ATP6V1C2: variants seen among roughly 807,000 people sequenced by gnomAD.
ATP6V1C2 encodes ATPase H+ transporting V1 subunit C2.
In ATP6V1C2, 45 loss-of-function variants were observed where a neutral mutation model predicts 56.8. That is an observed-to-expected ratio of 0.79 (90% CI 0.62 to 1.02). The LOEUF (loss-of-function observed/expected upper bound fraction) is 1.02, where lower values mean the gene tolerates loss of function less well. Ranked by LOEUF, ATP6V1C2 falls within the 50% of genes least tolerant of loss-of-function variation. The probability of loss-of-function intolerance (pLI) is 0.00; values close to 1 mark genes in which losing one functional copy is unlikely to be tolerated. For missense variants in ATP6V1C2, 463 were observed against 519.7 expected, an observed-to-expected ratio of 0.89 and a Z score of 1.06; for synonymous variants, 220 against 201.3, an observed-to-expected ratio of 1.09 and a Z score of -0.79.
At chr2:10,747,237 A>G (rs1662967047) in intron 3 of ATP6V1C2, among the ~76,000 whole-genome samples, 1 of 152,206 alleles carries the variant, frequency 6.6e-6, no homozygotes, top group Non-Finnish European at 1.5e-5. Context: ...CATTGCACTC[A>G]AGCTTGGGCA....
At chr2:10,753,148 C>G (rs1293425843) in intron 3 of ATP6V1C2, among the ~76,000 whole-genome samples, 2 of 152,148 alleles carry the variant, frequency 1.3e-5, no homozygotes, top group Non-Finnish European at 2.9e-5. Flanking sequence ...TTTTAATGTT[C>G]TAATTGTAAA....
chr2:10,752,071 A>AC (rs1558403035), intron 3 of ATP6V1C2, among the ~76,000 whole-genome samples: 1 of 151,936 alleles, frequency 6.6e-6, no homozygotes, highest in African/African-American at 2.4e-5. Context: ...CTCAAAAAAA[A>AC]AACAACAACA....
At chr2:10,741,520 A>G (rs6757873) in intron 3 of ATP6V1C2, among the ~76,000 whole-genome samples, 149,552 of 152,226 alleles carry the variant, frequency 0.98, 73,515 homozygotes, top group Non-Finnish European at 1. Context: ...AGGCTAGGGC[A>G]GGTGGCCCCT....
chr2:10,768,885 T>TGGGCCACCTGGGAGTCTGTGCC, intron 6 of ATP6V1C2, 75 bp downstream of exon 6: 1 of 1,162,456 alleles, frequency 8.6e-7, no homozygotes, highest in Middle Eastern at 2.4e-4. Flanking sequence ...GTCCTCTCAC[T>TGGGCCACCTGGGAGTCTGTGCC]GGGCCACCTG....
chr2:10,728,674 G>A lies in ATP6V1C2; in HGVS notation c.197+2105G>A, dbSNP rs946670906. On this transcript the variant is annotated intron_variant, in intron 3 of 13. Coordinates refer to ENST00000272238, the MANE Select transcript of ATP6V1C2 (RefSeq NM_001039362.2). ...GCCTGTAGTGCCAGCTATGCAGGAG[G>A]CTGAGGTGGAAGAATCACCTGAGCC... Among the ~76,000 whole-genome samples the A allele has an allele frequency of 2.6e-5, 4 of 151,884 alleles. No individual in the cohort carries two copies. The South Asian group carries it at 8.3e-4, about 32-fold the overall frequency.
At chr2:10,730,409 C>T (rs1242994508) in intron 3 of ATP6V1C2, among the ~76,000 whole-genome samples, 1 of 152,120 alleles carries the variant, frequency 6.6e-6, no homozygotes, top group Non-Finnish European at 1.5e-5. Flanking sequence ...AGCCACTGTG[C>T]CTGGCCACTT....
intron 13 of ATP6V1C2, among the ~76,000 whole-genome samples, 189 bp downstream of exon 13, chr2:10,782,564 G>A (rs1351509501): frequency 6.6e-6 from 1 of 152,102 alleles, no homozygotes. Context: ...TGGGCATAGT[G>A]GCTCACGCCT....
chr2:10,768,978 G>C (rs1359717727), intron 6 of ATP6V1C2, among the ~76,000 whole-genome samples, 168 bp downstream of exon 6: 1 of 152,208 alleles, frequency 6.6e-6, no homozygotes, highest in Non-Finnish European at 1.5e-5. Flanking sequence ...TGCTGGGAGA[G>C]GAGGAAAGGG....
upstream of ATP6V1C2, among the ~76,000 whole-genome samples, chr2:10,721,397 A>G (rs1442610443): frequency 6.6e-6 from 1 of 151,510 alleles, no homozygotes; most frequent in Non-Finnish European, 1.5e-5. Context: ...GCGGCAGGAG[A>G]CCCCGTGGGA....
chr2:10,757,499 C>G (rs1440051776), intron 4 of ATP6V1C2: 2 of 398,420 alleles, frequency 5.0e-6, no homozygotes, highest in Non-Finnish European at 8.8e-6. Context: ...TGGCGTGATG[C>G]CCGCATGTCC....
intron 2 of ATP6V1C2, among the ~76,000 whole-genome samples, chr2:10,725,885 G>A (rs1487738919): frequency 6.6e-6 from 1 of 151,730 alleles, no homozygotes; most frequent in Non-Finnish European, 1.5e-5. Context: ...TTCGAGACCA[G>A]CCTGACCAAC....
intron 4 of ATP6V1C2, 78 bp from the exon 5 acceptor site, chr2:10,764,253 T>C: frequency 7.6e-7 from 1 of 1,311,338 alleles, no homozygotes; most frequent in South Asian, 1.2e-5. Flanking sequence ...ACGCTGATGC[T>C]TGGCTTGGGA....
At position 10,753,851 on chromosome 2, in the gene ATP6V1C2, C is replaced by T. The variant is rs373705699; in HGVS notation, c.198-130C>T. ...GCCCGGCCGCTATTGGCATTTTAAC[C>T]CTCTTCATACATCTTGCCAAATTAT... On this transcript the variant is annotated intron_variant, in intron 3 of 13. Coordinates refer to ENST00000272238, the MANE Select transcript of ATP6V1C2 (RefSeq NM_001039362.2). 1.7e-3 allele frequency: 1,320 copies of T among 779,670 alleles called. 39 individuals are homozygous for T. The South Asian group carries it at 0.021, about 12-fold the overall frequency. 48.3% of individuals were successfully genotyped at this position (779,670 alleles called of 1,614,324 possible). A position where few individuals can be genotyped will look rare whatever the true frequency, so the allele number is the denominator to read the frequency against.
intron 3 of ATP6V1C2, among the ~76,000 whole-genome samples, chr2:10,740,044 C>T (rs7585195): frequency 0.96 from 142,500 of 147,730 alleles, 68,941 homozygotes; most frequent in Non-Finnish European, 1. Context: ...GCTGAGATCA[C>T]GCCTCTGCAC....
intron 5 of ATP6V1C2, 89 bp downstream of exon 5, chr2:10,764,514 C>A: frequency 8.9e-7 from 1 of 1,120,960 alleles, no homozygotes; most frequent in Non-Finnish European, 1.3e-6. Flanking sequence ...ACAGCCTCAG[C>A]CTGTCCTGAC....
At chr2:10,728,864 C>T (rs529294146) in intron 3 of ATP6V1C2, among the ~76,000 whole-genome samples, 1 of 147,664 alleles carries the variant, frequency 6.8e-6, no homozygotes, top group African/African-American at 2.5e-5. Flanking sequence ...CTGGGCCAGG[C>T]GTGGTGGCTC....
At chr2:10,736,707 CTGT>C (rs1423583519) in intron 3 of ATP6V1C2, among the ~76,000 whole-genome samples, 1 of 148,624 alleles carries the variant, frequency 6.7e-6, no homozygotes, top group Non-Finnish European at 1.5e-5. Flanking sequence ...TTGTTTAGTT[CTGT>C]AATGCTAACA....
Position 10,746,398 on chromosome 2 carries a change from C to CT in ATP6V1C2, c.198-7573dup, listed in dbSNP as rs1205119746. Among the ~76,000 whole-genome samples the CT allele has an allele frequency of 9.5e-4, 141 of 147,758 alleles. 1 individual carries two copies. The highest frequency in any genetic ancestry group is 3.1e-3 in the East Asian group (16 of 5,108). On this transcript the variant is annotated intron_variant, in intron 3 of 13. Transcript: ENST00000272238. ...TTTTATTTTCAGTTTCTCTTATTTCCTTTTTTTTTTCTTCTTCTTTTTTCT... is the reference window on the plus strand; with the variant it reads ...TTTTATTTTCAGTTTCTCTTATTTCCTTTTTTTTTTTCTTCTTCTTTTTTCT...
rs1391092312 is a variant in ATP6V1C2, at chr2:10,768,790, G to T, written c.450G>T (p.Glu150Asp). 1 of 1,613,916 alleles carries T rather than the reference G, an allele frequency of 6.2e-7. No individual in the cohort carries two copies. Among genetic ancestry groups the T allele is most frequent in the Non-Finnish European group, 8.5e-7 (1 of 1,179,998 alleles). Residue 150 changes from glutamate (E) to aspartate (D), a missense_variant, in exon 6 of 14, where the codon GAG becomes GAT. Glu to Asp is a conservative substitution (Grantham distance 45). Coordinates refer to ENST00000272238, the MANE Select transcript of ATP6V1C2 (RefSeq NM_001039362.2). ...AAYNTLKTNL[E>D]NLEKKSMGNL... ...ACAACACTCTGAAGACAAACCTGGAGAACCTGGAAAAGAAATCCATGTGTG... is the reference window on the plus strand; with the variant it reads ...ACAACACTCTGAAGACAAACCTGGATAACCTGGAAAAGAAATCCATGTGTG...
Sources: allele counts gnomAD v4.1 joint callset (sites outside exome capture counted in the v4.1 genomes callset), GRCh38; gene constraint gnomAD v4.1.1; transcripts MANE v1.5; gene names NCBI Gene and HGNC (gene_info 2026-07-23, HGNC 2026-07-21).